PDE4C: variants seen among roughly 807,000 people sequenced by gnomAD.
The protein encoded by PDE4C is phosphodiesterase 4C, also known as 3',5'-cyclic-AMP phosphodiesterase 4C.
PDE4C carries 50 observed loss-of-function variants against 63.9 expected under a neutral mutation model. The ratio of observed to expected loss-of-function variants is 0.78; its 90% CI spans 0.62 to 0.99. PDE4C has a LOEUF of 0.99. Among genes scored for constraint, PDE4C ranks in the 50% least tolerant of loss-of-function variants. The pLI, the probability that PDE4C is intolerant of heterozygous loss-of-function variation, is 0.00. For synonymous variants in PDE4C, 377 were observed against 385.1 expected (o/e 0.98, Z 0.25); for missense variants, 777 against 899.1 (o/e 0.86, Z 1.74).
upstream of PDE4C, among the ~76,000 whole-genome samples, chr19:18,235,479 G>A (rs773019513): frequency 1.3e-5 from 2 of 152,070 alleles, no homozygotes; most frequent in Non-Finnish European, 2.9e-5. Flanking sequence ...CCCTGGTGTT[G>A]TGTCTACTTT....
chr19:18,247,406 C>T (rs1969151336), intron 1 of PDE4C, among the ~76,000 whole-genome samples: 1 of 152,200 alleles, frequency 6.6e-6, no homozygotes, highest in Admixed American at 6.5e-5. Flanking sequence ...AGCAATTCTC[C>T]TGCCTCAGCC....
intron 1 of PDE4C, chr19:18,224,488 GTCGAA>G (rs1331512443): frequency 3.0e-6 from 3 of 985,412 alleles, no homozygotes; most frequent in Non-Finnish European, 3.6e-6. Flanking sequence ...GTCTGATCAC[GTCGAA>G]TTGGACTTGG....
chr19:18,237,965 G>A (rs898060913), upstream of PDE4C, among the ~76,000 whole-genome samples: 3 of 151,818 alleles, frequency 2.0e-5, no homozygotes, highest in Admixed American at 1.3e-4. Context: ...AGTAGGGCAC[G>A]GTGGCTCATG....
intron 12 of PDE4C, among the ~76,000 whole-genome samples, chr19:18,213,875 A>G (rs961648650): frequency 6.6e-6 from 1 of 152,090 alleles, no homozygotes; most frequent in Non-Finnish European, 1.5e-5. Flanking sequence ...CCTAGAACCA[A>G]TCCAGCCTCC....
Position 18,232,140 on chromosome 19 carries a change from G to C in PDE4C, c.242+810C>G, listed in dbSNP as rs551996916. Among the ~76,000 whole-genome samples, 34 of 152,198 alleles carry C rather than the reference G, an allele frequency of 2.2e-4. No homozygotes were observed. In the South Asian group the frequency reaches 6.4e-3, roughly 29 times the overall value. ...AGTACTTTGAGAGACTAAGGCGGGA[G>C]GATTACTTGAGGCCAAGAGTTCAAG... On this transcript the variant is annotated intron_variant, in intron 1 of 14. Transcript: ENST00000594465.
chr19:18,222,099 GA>G, intron 2 of PDE4C, 32 bp downstream of exon 2: 1 of 1,564,050 alleles, frequency 6.4e-7, no homozygotes, highest in East Asian at 2.3e-5. Context: ...AGGGAGGGTA[GA>G]GGCGGTGTCA....
chr19:18,248,983 T>A (rs1014337357), upstream of PDE4C, among the ~76,000 whole-genome samples: 5 of 148,762 alleles, frequency 3.4e-5, no homozygotes, highest in East Asian at 9.9e-4. Flanking sequence ...TGAGATCGTG[T>A]CACTGCACTC....
the PDE4C span, among the ~76,000 whole-genome samples, chr19:18,253,749 C>T: frequency 1.2e-4 from 18 of 152,312 alleles, no homozygotes; most frequent in East Asian, 2.1e-3. Flanking sequence ...CACCCTTCTA[C>T]GTGTTGGTCC....
chr19:18,214,260 A>T (rs889523290), intron 12 of PDE4C, among the ~76,000 whole-genome samples: 6 of 152,040 alleles, frequency 3.9e-5, no homozygotes, highest in African/African-American at 1.4e-4. Context: ...CAAAAAAAAA[A>T]AAAAAATAAC....
intron 11 of PDE4C, 99 bp from the exon 12 acceptor site, chr19:18,216,994 G>A (rs1968227736): frequency 6.7e-6 from 9 of 1,347,352 alleles, no homozygotes; most frequent in Non-Finnish European, 8.1e-6. Context: ...CTACCCATGC[G>A]TTGAAGGCCC....
chr19:18,218,305 C>T, intron 10 of PDE4C, 29 bp downstream of exon 10: 1 of 1,613,456 alleles, frequency 6.2e-7, no homozygotes, highest in Admixed American at 1.7e-5. Flanking sequence ...CCTGCACCCG[C>T]CCACCTGCCT....
intron 1 of PDE4C, chr19:18,232,892 G>T (rs1416109305): frequency 3.4e-5 from 39 of 1,138,014 alleles, no homozygotes; most frequent in Non-Finnish European, 4.0e-5. Flanking sequence ...CCCCACTCCC[G>T]CCAGGCCCCG....
chr19:18,219,986 C>A (rs2148023344), intron 7 of PDE4C, among the ~76,000 whole-genome samples: 1 of 152,224 alleles, frequency 6.6e-6, no homozygotes, highest in South Asian at 2.1e-4. Flanking sequence ...AAGCTAGTGT[C>A]TGGTTCCCTC....
intron 12 of PDE4C, among the ~76,000 whole-genome samples, chr19:18,216,237 T>G (rs942604944): frequency 1.2e-4 from 18 of 150,232 alleles, no homozygotes; most frequent in African/African-American, 4.2e-4. Context: ...GCAGAGGGCC[T>G]GGGGTTTGGG....
upstream of PDE4C, among the ~76,000 whole-genome samples, chr19:18,235,943 TG>T (rs1198186172): frequency 1.3e-5 from 2 of 151,812 alleles, no homozygotes; most frequent in Non-Finnish European, 2.9e-5. Context: ...TACTGTTTTT[TG>T]TTTGTTTGTT....
intron 1 of PDE4C, among the ~76,000 whole-genome samples, chr19:18,242,331 C>T (rs931459432): frequency 5.3e-5 from 8 of 150,942 alleles, no homozygotes; most frequent in Non-Finnish European, 2.9e-5. Context: ...CAAAAATTAC[C>T]TGGGTGTGGT....
At chr19:18,227,021 G>A (rs543657353), upstream of PDE4C, among the ~76,000 whole-genome samples, 8 of 152,158 alleles carry the variant, frequency 5.3e-5, no homozygotes, top group Admixed American at 3.9e-4. Flanking sequence ...GCTAAAAAGT[G>A]TAGAATGAGG....
At chr19:18,232,185 C>T (rs1968861325) in intron 1 of PDE4C, among the ~76,000 whole-genome samples, 1 of 151,962 alleles carries the variant, frequency 6.6e-6, no homozygotes, top group Non-Finnish European at 1.5e-5. Context: ...GGTAACATGG[C>T]AAAACCCCGT....
intron 11 of PDE4C, chr19:18,217,137 T>C (rs1383754997): frequency 3.0e-5 from 13 of 432,182 alleles, no homozygotes; most frequent in Non-Finnish European, 8.2e-6. Context: ...CTATGGCCAG[T>C]GACAGTGAGT....
Sources: gnomAD v4.1 joint callset for allele counts (sites outside exome capture counted in the v4.1 genomes callset) on GRCh38, gnomAD v4.1.1 for gene constraint, MANE v1.5 for transcripts, NCBI Gene and HGNC (gene_info 2026-07-23, HGNC 2026-07-21) for gene names.